Variants in DHCR7 observed in about 807,000 individuals in gnomAD.
DHCR7 encodes the protein 7-dehydrocholesterol reductase.
Under a neutral mutation model 43.3 loss-of-function variants are expected in DHCR7, and 40 were observed. The ratio of observed to expected loss-of-function variants is 0.92; its 90% confidence interval spans 0.72 to 1.20. DHCR7 has a LOEUF of 1.20. Ranked by LOEUF, DHCR7 falls within the 50% of genes most tolerant of loss-of-function variation. The probability of loss-of-function intolerance (pLI) is 0.00; values close to 1 mark genes in which losing one functional copy is unlikely to be tolerated. For missense variants in DHCR7, 608 were observed against 644.6 expected (o/e 0.94, Z 0.62); for synonymous variants, 298 against 271.4 (o/e 1.10, Z -0.96).
At position 71,435,218 on chromosome 11, in the gene DHCR7, G is replaced by T. The variant is rs990638900; in HGVS notation, c.*157C>A. 1.3e-6 allele frequency: 1 copy of T among 763,354 alleles called. No individual in the cohort carries two copies. Among genetic ancestry groups the T allele is most frequent in the Non-Finnish European group, 2.3e-6 (1 of 442,602 alleles). The allele number at this position is 763,354 out of a possible 1,614,324, so 47.3% of individuals were successfully genotyped here. A position where few individuals can be genotyped will look rare whatever the true frequency, so the allele number is the denominator to read the frequency against. On this transcript the variant is annotated 3_prime_UTR_variant, in exon 9 of 9. Transcript: ENST00000355527. ...TGAAGGCAAAAGCAAGGAACAGAGCGTGATTAGGTACTGGACACCTGCCAA... is the reference window on the plus strand; with the variant it reads ...TGAAGGCAAAAGCAAGGAACAGAGCTTGATTAGGTACTGGACACCTGCCAA...
intron 4 of DHCR7, 130 bp from the exon 5 acceptor site, chr11:71,442,483 A>AT (rs1405635204): frequency 2.7e-6 from 2 of 743,852 alleles, no homozygotes; most frequent in Non-Finnish European, 4.8e-6. Flanking sequence ...CTGGAAGCTC[A>AT]AACTGCTGGG....
intron 7 of DHCR7, among the ~76,000 whole-genome samples, chr11:71,438,317 C>G (rs1187241700): frequency 6.6e-6 from 1 of 152,202 alleles, no homozygotes; most frequent in Non-Finnish European, 1.5e-5. Context: ...GTTCTCCTAG[C>G]CAGCTCCCGC....
chr11:71,442,512 G>A (rs980140083), intron 4 of DHCR7, among the ~76,000 whole-genome samples, 159 bp from the exon 5 acceptor site: 1 of 152,152 alleles, frequency 6.6e-6, no homozygotes, highest in African/African-American at 2.4e-5. Context: ...TTTGAAGGGG[G>A]TTCTGAGACA....
In DHCR7 at chr11:71,435,945, T is replaced by G. The variant is rs752689386; in HGVS notation, c.964-106A>C. On this transcript the variant is annotated intron_variant, in intron 8 of 8. Coordinates refer to ENST00000355527, the MANE Select transcript of DHCR7 (RefSeq NM_001360.3). ...TGGGGTCAAACCCCAGCTCTGCCTCTGACACACGCCTTGCCTCCGTGTTCT... is the reference window on the plus strand; with the variant it reads ...TGGGGTCAAACCCCAGCTCTGCCTCGGACACACGCCTTGCCTCCGTGTTCT... The G allele has an allele frequency of 2.1e-5, 19 of 892,518 alleles. No homozygotes were observed. The African/African-American group carries it at 3.1e-4, about 15-fold the overall frequency. 55.3% of individuals were successfully genotyped at this position (892,518 alleles called of 1,614,324 possible).
Position 71,435,667 on chromosome 11 carries a change from T to C in DHCR7, c.1136A>G (p.Glu379Gly). Residue 379 changes from glutamate (E) to glycine (G), a missense_variant, in exon 9 of 9, where the codon GAG becomes GGG. Glu to Gly is a moderately conservative substitution (Grantham distance 98, BLOSUM62 -2). Coordinates refer to ENST00000355527, the MANE Select transcript of DHCR7 (RefSeq NM_001360.3). ...LIWGRKPKVI[E>G]CSYTSADGQR... ...CCCATCGGCGGATGTGTAGGAGCAC[T>C]CGATGACCTTGGGCTTCCTGCCCCA... 1.2e-6 allele frequency: 2 copies of C among 1,613,076 alleles called. No individual in the cohort carries two copies. Among genetic ancestry groups the C allele is most frequent in the Non-Finnish European group, 1.7e-6 (2 of 1,179,924 alleles).
rs1011956734 is a variant in DHCR7 at position 71,435,617 on chromosome 11, C to T, written c.1186G>A (p.Val396Met). 6.2e-6 allele frequency: 10 copies of T among 1,610,546 alleles called. No individual in the cohort carries two copies. Among genetic ancestry groups the T allele is most frequent in the Non-Finnish European group, 8.5e-6 (10 of 1,179,794 alleles). The part of the protein sequence containing the change: ...DGQRHHSKLL[V>M]SGFWGVARHF... The stretch of plus-strand genomic sequence containing the variant: ...CGGGCCACGCCCCAGAAGCCCGACA[C>T]CAGCAGCTTGCTGTGGTGCCTCTGC... Residue 396 changes from valine (V) to methionine (M), a missense_variant, in exon 9 of 9, where the codon GTG becomes ATG. By Grantham distance (21) the Val-to-Met change is conservative. Coordinates refer to ENST00000355527, the MANE Select transcript of DHCR7 (RefSeq NM_001360.3).
chr11:71,441,209 C>A lies in DHCR7; in HGVS notation c.626+18G>T, dbSNP rs754851623. Reference sequence around the variant, plus strand: ...TTGCACTTTCTACATCAGGCTGGACCCGCTGCTAAGAACATACCAGTCTCT... The same window carrying A: ...TTGCACTTTCTACATCAGGCTGGACACGCTGCTAAGAACATACCAGTCTCT... On this transcript the variant is annotated intron_variant, in intron 6 of 8. Coordinates refer to ENST00000355527, the MANE Select transcript of DHCR7 (RefSeq NM_001360.3). 8.1e-6 allele frequency: 13 copies of A among 1,613,204 alleles called. No individual in the cohort carries two copies. Among genetic ancestry groups the A allele is most frequent in the Middle Eastern group, 1.7e-4 (1 of 6,060 alleles).
intron 5 of DHCR7, 50 bp from the exon 6 acceptor site, chr11:71,441,490 G>A: frequency 1.4e-6 from 2 of 1,473,220 alleles, no homozygotes; most frequent in East Asian, 2.4e-5. Context: ...CCCGCAGTGA[G>A]GAGCTTGGCT....
At position 71,438,950 on chromosome 11, in the gene DHCR7, A is replaced by G; in HGVS notation, c.760T>C (p.Ser254Pro). 6.2e-7 allele frequency: 1 copy of G among 1,614,038 alleles called. No individual in the cohort carries two copies. Residue 254 changes from serine (S) to proline (P), a missense_variant, in exon 7 of 9, where the codon TCC becomes CCC. By Grantham distance (74) the Ser-to-Pro change is moderately conservative (BLOSUM62 -1). Coordinates refer to ENST00000355527, the MANE Select transcript of DHCR7 (RefSeq NM_001360.3). ...GIVAWTLINL[S>P]FAAKQRELHS... Reference sequence around the variant, plus strand: ...AGCTCCCGCTGCTTCGCTGCGAAGGACAGGTTGATGAGGGTCCAGGCGACG... The same window carrying G: ...AGCTCCCGCTGCTTCGCTGCGAAGGGCAGGTTGATGAGGGTCCAGGCGACG...
In DHCR7 at chr11:71,435,028, C is replaced by T. The variant is rs949349126; in HGVS notation, c.*347G>A. 3 of 505,490 alleles carry T rather than the reference C, an allele frequency of 5.9e-6. No individual in the cohort carries two copies. Among genetic ancestry groups the T allele is most frequent in the Non-Finnish European group, 1.2e-5 (3 of 260,302 alleles). The allele number at this position is 505,490 out of a possible 1,614,324, so 31.3% of individuals were successfully genotyped here. A position where few individuals can be genotyped will look rare whatever the true frequency, so the allele number is the denominator to read the frequency against. On this transcript the variant is annotated 3_prime_UTR_variant, in exon 9 of 9. Coordinates refer to ENST00000355527, the MANE Select transcript of DHCR7 (RefSeq NM_001360.3). ...ACAGGGCGTGGGAAGACCTCCTGCT[C>T]ACCAGTGTGGGCAGAGTGTAGCGTG...
At chr11:71,444,423 A>G (rs1300017854) in intron 3 of DHCR7, among the ~76,000 whole-genome samples, 1 of 152,172 alleles carries the variant, frequency 6.6e-6, no homozygotes, top group Non-Finnish European at 1.5e-5. Flanking sequence ...TGGTGGCACT[A>G]TCTGTGGCCC....
intron 4 of DHCR7, among the ~76,000 whole-genome samples, chr11:71,443,152 T>C (rs1949366101): frequency 6.6e-6 from 1 of 152,200 alleles, no homozygotes; most frequent in African/African-American, 2.4e-5. Context: ...CCAAATAGTG[T>C]CCCACAGTGG....
chr11:71,441,662 G>A lies in DHCR7; in HGVS notation c.413-222C>T, dbSNP rs554747308. Reference sequence around the variant, plus strand: ...GAGGGGAGGCTGAGTCCATCCTTTGGTTCTGCATCTCGTTAACTGGCCATA... The same window carrying A: ...GAGGGGAGGCTGAGTCCATCCTTTGATTCTGCATCTCGTTAACTGGCCATA... On this transcript the variant is annotated intron_variant, in intron 5 of 8. Transcript: ENST00000355527. 4.2e-4 allele frequency among the ~76,000 whole-genome samples: 64 copies of A among 152,266 alleles called. 1 individual carries two copies. The highest frequency in any genetic ancestry group is 3.4e-3 in the Middle Eastern group (1 of 294).
rs1378025166 is a variant in DHCR7 at position 71,435,378 on chromosome 11, G to C, written c.1425C>G (p.Phe475Leu). ...GGCTTCTCCCTAGGGCGTGCCCTTA[G>C]AAGATTCCAGGCAGCAGGCGGTAAG... is the stretch of plus-strand genomic sequence containing the variant. ...AVPYRLLPGI[F>L] Residue 475 changes from phenylalanine to leucine, a missense_variant, in exon 9 of 9, where the codon TTC becomes TTG. Coordinates refer to ENST00000355527, the MANE Select transcript of DHCR7 (RefSeq NM_001360.3). The C allele has an allele frequency of 2.5e-6, 4 of 1,611,974 alleles. No homozygotes were observed. Among genetic ancestry groups the C allele is most frequent in the Non-Finnish European group, 3.4e-6 (4 of 1,179,980 alleles).
downstream of DHCR7, among the ~76,000 whole-genome samples, chr11:71,433,619 G>A (rs966431092): frequency 6.6e-6 from 1 of 152,216 alleles, no homozygotes; most frequent in Admixed American, 6.5e-5. Flanking sequence ...TGAGAGGGTA[G>A]GTCCCCTGAA....
At chr11:71,432,784 G>T (rs1053039374), downstream of DHCR7, among the ~76,000 whole-genome samples, 40 of 152,158 alleles carry the variant, frequency 2.6e-4, no homozygotes, top group African/African-American at 9.7e-4. Context: ...TAAACCCCAG[G>T]CCTCAGTTTC....
At position 71,441,319 on chromosome 11, in the gene DHCR7, G is replaced by A. The variant is rs1349721227; in HGVS notation, c.534C>T (p.Ile178=). 6.2e-7 allele frequency: 1 copy of A among 1,614,258 alleles called. No individual in the cohort carries two copies. Among genetic ancestry groups the A allele is most frequent in the Admixed American group, 1.7e-5 (1 of 60,032 alleles). ...FSPTIIFDNW[I]PLLWCANILG... ...GGATGTTGGCGCACCACAGCAGTGG[G>A]ATCCAGTTGTCGAAGATGATGGTGG... The change falls in exon 6 of 9, where the codon ATC becomes ATT. Residue 178 remains isoleucine (I), a synonymous_variant. Transcript: ENST00000355527.
At position 71,444,963 on chromosome 11, in the gene DHCR7, A is replaced by C; in HGVS notation, c.-6-5T>G. Reference sequence around the variant, plus strand: ...CGATTTTGCAGCCATTGGGCCCTGCAAGAAAGAGAACCTTGCTTACATTAT... The same window carrying C: ...CGATTTTGCAGCCATTGGGCCCTGCCAGAAAGAGAACCTTGCTTACATTAT... On this transcript the variant is annotated splice_polypyrimidine_tract_variant and splice_region_variant and intron_variant, in intron 2 of 8. Transcript: ENST00000355527. 6.2e-7 allele frequency: 1 copy of C among 1,612,530 alleles called. No homozygotes were observed. The highest frequency in any genetic ancestry group is 8.5e-7 in the Non-Finnish European group (1 of 1,178,528).
rs375913932 is a variant in DHCR7, at chr11:71,439,585, C to T, written c.627-502G>A. On this transcript the variant is annotated intron_variant, in intron 6 of 8. Coordinates refer to ENST00000355527, the MANE Select transcript of DHCR7 (RefSeq NM_001360.3). Reference sequence around the variant, plus strand: ...GAGAATGACAAACGCACCCTGGGCCCGGCTTCCAGCATGTGCAGGACAAGT... The same window carrying T: ...GAGAATGACAAACGCACCCTGGGCCTGGCTTCCAGCATGTGCAGGACAAGT... Among the ~76,000 whole-genome samples the T allele has an allele frequency of 1.8e-4, 28 of 152,294 alleles. No individual in the cohort carries two copies. The East Asian group carries it at 2.7e-3, about 15-fold the overall frequency.
Sources: allele counts gnomAD v4.1 joint callset (sites outside exome capture counted in the v4.1 genomes callset), GRCh38; gene constraint gnomAD v4.1.1; transcripts MANE v1.5; gene names NCBI Gene and HGNC (gene_info 2026-07-23, HGNC 2026-07-21).